GRIA4: variants seen among roughly 807,000 people sequenced by gnomAD.
GRIA4 encodes the protein glutamate ionotropic receptor AMPA type subunit 4.
Under a neutral mutation model 104.0 loss-of-function variants are expected in GRIA4, and 34 were observed. The ratio of observed to expected loss-of-function variants is 0.33; its 90% CI spans 0.25 to 0.44. The LOEUF (loss-of-function observed/expected upper bound fraction) is 0.44. Among genes scored for constraint, GRIA4 ranks in the 20% least tolerant of loss-of-function variants. The probability of loss-of-function intolerance (pLI) is 1.00; values close to 1 mark genes in which losing one functional copy is unlikely to be tolerated. For missense variants in GRIA4, 750 were observed against 1,096.5 expected (o/e 0.68, Z 4.46); for synonymous variants, 386 against 381.9 (o/e 1.01, Z -0.13).
At chr11:105,922,257 A>G (rs748801016) in intron 11 of GRIA4, among the ~76,000 whole-genome samples, 20 of 152,158 alleles carry the variant, frequency 1.3e-4, no homozygotes, top group Non-Finnish European at 2.5e-4. Context: ...AGAATATCTA[A>G]TTTCCTTCCA....
intron 3 of GRIA4, among the ~76,000 whole-genome samples, chr11:105,654,946 A>G (rs77867609): frequency 6.6e-6 from 1 of 152,156 alleles, no homozygotes; most frequent in East Asian, 1.9e-4. Flanking sequence ...TTCTGACCCT[A>G]ATTTCTGTTT....
intron 3 of GRIA4, among the ~76,000 whole-genome samples, chr11:105,698,254 G>C (rs1368707752): frequency 6.6e-6 from 1 of 152,104 alleles, no homozygotes; most frequent in Non-Finnish European, 1.5e-5. Flanking sequence ...ACGGAAAAGT[G>C]TTAATGTGAC....
intron 14 of GRIA4, 75 bp downstream of exon 14, chr11:105,934,044 ATTTTG>A (rs1947959633): frequency 8.0e-7 from 1 of 1,245,536 alleles, no homozygotes; most frequent in Non-Finnish European, 1.1e-6. Flanking sequence ...TGAGAGAATT[ATTTTG>A]TTTTGTGTGT....
At chr11:105,685,618 AT>A (rs1952854924) in intron 3 of GRIA4, among the ~76,000 whole-genome samples, 2 of 152,210 alleles carry the variant, frequency 1.3e-5, no homozygotes, top group Admixed American at 1.3e-4. Flanking sequence ...ATGTGTGAAA[AT>A]TTATTATTTA....
At chr11:105,955,356 G>A (rs1005234007) in intron 14 of GRIA4, among the ~76,000 whole-genome samples, 2 of 151,910 alleles carry the variant, frequency 1.3e-5, no homozygotes, top group African/African-American at 4.8e-5. Flanking sequence ...CCACTTATAT[G>A]AGTGAGAACA....
intron 3 of GRIA4, among the ~76,000 whole-genome samples, chr11:105,727,478 C>G (rs1938287672): frequency 6.6e-6 from 1 of 152,018 alleles, no homozygotes. Flanking sequence ...AGGAGAAATT[C>G]CCCAACATAG....
At chr11:105,741,651 T>C (rs1004168188) in intron 3 of GRIA4, among the ~76,000 whole-genome samples, 3 of 152,118 alleles carry the variant, frequency 2.0e-5, no homozygotes, top group Admixed American at 1.3e-4. Flanking sequence ...TTCCCTTTGG[T>C]CACCAGCCTT....
At chr11:105,940,863 T>A (rs1948165731) in intron 14 of GRIA4, among the ~76,000 whole-genome samples, 2 of 152,144 alleles carry the variant, frequency 1.3e-5, no homozygotes, top group Non-Finnish European at 2.9e-5. Flanking sequence ...TCATTTAGAA[T>A]GAGCTGGAGA....
chr11:105,888,426 G>A (rs892726348), intron 6 of GRIA4, among the ~76,000 whole-genome samples: 9 of 150,960 alleles, frequency 6.0e-5, no homozygotes, highest in African/African-American at 1.9e-4. Context: ...TGGGACTACA[G>A]GTGCCCGCCA....
At chr11:105,641,634 G>A (rs1403254167) in intron 3 of GRIA4, among the ~76,000 whole-genome samples, 1 of 152,056 alleles carries the variant, frequency 6.6e-6, no homozygotes, top group Non-Finnish European at 1.5e-5. Flanking sequence ...TGAATCCAAA[G>A]GGCCCTTTGG....
intron 3 of GRIA4, among the ~76,000 whole-genome samples, chr11:105,647,135 G>T (rs1337466704): frequency 6.6e-6 from 1 of 152,080 alleles, no homozygotes; most frequent in Admixed American, 6.6e-5. Flanking sequence ...ATGGGCAAAT[G>T]ACATGAACAG....
chr11:105,966,023 G>T (rs774816694), intron 14 of GRIA4: 3 of 1,613,344 alleles, frequency 1.9e-6, no homozygotes, highest in Non-Finnish European at 2.5e-6. Flanking sequence ...ATGGTGGTAC[G>T]ACAAAGGAGA....
At chr11:105,967,217 C>A (rs1226390262) in intron 14 of GRIA4, among the ~76,000 whole-genome samples, 1 of 152,050 alleles carries the variant, frequency 6.6e-6, no homozygotes, top group South Asian at 2.1e-4. Flanking sequence ...TAAAACACTG[C>A]TTTACAGATA....
intron 9 of GRIA4, among the ~76,000 whole-genome samples, chr11:105,908,463 G>T (rs1449463105): frequency 2.0e-5 from 3 of 151,872 alleles, no homozygotes; most frequent in African/African-American, 7.3e-5. Flanking sequence ...CAAACTTTAG[G>T]ATTCCTTTCT....
chr11:105,898,224 G>A (rs1184318074), intron 6 of GRIA4, 45 bp from the exon 7 acceptor site: 3 of 977,282 alleles, frequency 3.1e-6, no homozygotes, highest in Non-Finnish European at 4.8e-6. Context: ...GAGCTGCCAT[G>A]TATAATAAAC....
chr11:105,677,540 T>A (rs895697461), intron 3 of GRIA4, among the ~76,000 whole-genome samples: 6 of 151,932 alleles, frequency 3.9e-5, no homozygotes, highest in Middle Eastern at 3.2e-3. Context: ...AGTTTATTCA[T>A]CTATCTCCTA....
At chr11:105,938,563 C>T (rs1948108676) in intron 14 of GRIA4, among the ~76,000 whole-genome samples, 1 of 151,900 alleles carries the variant, frequency 6.6e-6, no homozygotes, top group Admixed American at 6.6e-5. Flanking sequence ...TTATGAATAC[C>T]CTTCATTTTT....
chr11:105,878,242 A>G (rs908778457), intron 5 of GRIA4, among the ~76,000 whole-genome samples: 7 of 152,154 alleles, frequency 4.6e-5, no homozygotes, highest in Non-Finnish European at 1.0e-4. Context: ...TCACCAGTGG[A>G]GGCTGCAGAA....
intron 5 of GRIA4, among the ~76,000 whole-genome samples, chr11:105,865,116 A>G (rs1945358475): frequency 6.6e-6 from 1 of 152,362 alleles, no homozygotes; most frequent in South Asian, 2.1e-4. Flanking sequence ...TTGCTATTTA[A>G]TATAGTAGCT....
Sources: allele counts gnomAD v4.1 joint callset (sites outside exome capture counted in the v4.1 genomes callset), GRCh38; gene constraint gnomAD v4.1.1; transcripts MANE v1.5; gene names NCBI Gene and HGNC (gene_info 2026-07-23, HGNC 2026-07-21).